Variants in PLEKHG1 observed in about 807,000 individuals in gnomAD.
PLEKHG1 encodes the protein pleckstrin homology domain-containing family G member 1.
A neutral mutation model predicts 100.8 loss-of-function variants in PLEKHG1; 44 were observed. The ratio of observed to expected loss-of-function variants is 0.44; its 90% confidence interval spans 0.34 to 0.56. The LOEUF (loss-of-function observed/expected upper bound fraction) is 0.56, where lower values mean the gene tolerates loss of function less well. Among genes scored for constraint, PLEKHG1 ranks in the 20% least tolerant of loss-of-function variants. PLEKHG1 has a pLI of 0.01. For missense variants in PLEKHG1, 1,545 were observed against 1,720.9 expected, an observed-to-expected ratio of 0.90 and a Z score of 1.81; for synonymous variants, 640 against 662.5, an observed-to-expected ratio of 0.97 and a Z score of 0.52.
At chr6:150,754,317 G>C (rs557103497) in intron 2 of PLEKHG1, among the ~76,000 whole-genome samples, 3 of 152,134 alleles carry the variant, frequency 2.0e-5, no homozygotes, top group East Asian at 1.9e-4. Context: ...AGGGAGTTGA[G>C]GGGGAGCAAG....
intron 8 of PLEKHG1, 24 bp downstream of exon 9, chr6:150,809,311 G>T: frequency 6.2e-7 from 1 of 1,611,844 alleles, no homozygotes; most frequent in Non-Finnish European, 8.5e-7. Flanking sequence ...CTGGCCATGG[G>T]CAGGGACTCA....
intron 1 of PLEKHG1, among the ~76,000 whole-genome samples, chr6:150,732,128 AT>A (rs1782296824): frequency 6.6e-6 from 1 of 151,774 alleles, no homozygotes; most frequent in Non-Finnish European, 1.5e-5. Flanking sequence ...CGCCTAGCTA[AT>A]TTTTTTGTAT....
intron 3 of PLEKHG1, among the ~76,000 whole-genome samples, chr6:150,714,328 A>G (rs1036836143): frequency 3.3e-5 from 5 of 152,266 alleles, no homozygotes; most frequent in Non-Finnish European, 7.3e-5. Context: ...AAAACCAAGT[A>G]TCCTAATCAA....
chr6:150,610,189 C>T, intron 1 of PLEKHG1, among the ~76,000 whole-genome samples: 1 of 152,194 alleles, frequency 6.6e-6, no homozygotes, highest in East Asian at 1.9e-4. Flanking sequence ...GCAACGTCTG[C>T]CTCCTGGGTT....
chr6:150,727,248 G>C (rs1380368460), intron 1 of PLEKHG1, among the ~76,000 whole-genome samples: 1 of 152,190 alleles, frequency 6.6e-6, no homozygotes, highest in African/African-American at 2.4e-5. Flanking sequence ...CCTGCTGTGA[G>C]TAGAATTTCT....
At chr6:150,792,362 A>G (rs1177996253) in intron 4 of PLEKHG1, among the ~76,000 whole-genome samples, 1 of 150,696 alleles carries the variant, frequency 6.6e-6, no homozygotes, top group Non-Finnish European at 1.5e-5. Flanking sequence ...GTCTCCAAAA[A>G]AAAAAAAAAC....
At chr6:150,664,839 T>C (rs574643871) in intron 3 of PLEKHG1, among the ~76,000 whole-genome samples, 2 of 152,294 alleles carry the variant, frequency 1.3e-5, no homozygotes, top group East Asian at 3.9e-4. Flanking sequence ...TTGGGGGAGA[T>C]GCTTCTATCT....
chr6:150,799,940 G>A (rs1786587419), intron 5 of PLEKHG1, among the ~76,000 whole-genome samples: 1 of 152,172 alleles, frequency 6.6e-6, no homozygotes, highest in South Asian at 2.1e-4. Flanking sequence ...TTTGTGATAC[G>A]AGCATTGTTT....
chr6:150,767,758 G>T (rs1462039904), intron 2 of PLEKHG1, among the ~76,000 whole-genome samples: 1 of 152,220 alleles, frequency 6.6e-6, no homozygotes, highest in Non-Finnish European at 1.5e-5. Flanking sequence ...AAATGCTGCA[G>T]ATCGCCATGT....
Position 150,671,112 on chromosome 6 carries a change from C to T in PLEKHG1, c.-99+20326C>T, listed in dbSNP as rs533965870. ...TCATATATATATATATATATATATA[C>T]ACACACACACCAGTTTATTTATCCA... On this transcript the variant is annotated intron_variant, in intron 3 of 3. Coordinates refer to the PLEKHG1 transcript ENST00000367326. Among the ~76,000 whole-genome samples the T allele has an allele frequency of 2.2e-3, 313 of 140,202 alleles. 2 individuals carry two copies. Among genetic ancestry groups the T allele is most frequent in the Non-Finnish European group, 3.5e-3 (225 of 64,494 alleles). The allele number at this position is 140,202 out of a possible 152,430, so 92.0% of individuals were successfully genotyped here.
intron 3 of PLEKHG1, among the ~76,000 whole-genome samples, chr6:150,705,457 G>A (rs959203197): frequency 1.3e-5 from 2 of 152,228 alleles, no homozygotes; most frequent in East Asian, 1.9e-4. Flanking sequence ...GGCGGGGACC[G>A]CCTGTCCCAC....
exon 2 of PLEKHG1, chr6:150,733,996 G>T: frequency 1.2e-6 from 2 of 1,614,112 alleles, no homozygotes; most frequent in Non-Finnish European, 1.7e-6. Flanking sequence ...TCGCAGACTC[G>T]GCCACGAGCC....
intron 1 of PLEKHG1, among the ~76,000 whole-genome samples, chr6:150,629,012 T>C (rs1016864962): frequency 2.6e-5 from 4 of 152,298 alleles, no homozygotes; most frequent in Middle Eastern, 6.8e-3. Context: ...CCTGGAAGAC[T>C]AGACCTCCAT....
intron 2 of PLEKHG1, among the ~76,000 whole-genome samples, chr6:150,739,148 A>G (rs746138001): frequency 6.6e-6 from 1 of 152,208 alleles, no homozygotes; most frequent in African/African-American, 2.4e-5. Flanking sequence ...AAAATAGTTC[A>G]TAATGTTAAT....
intron 1 of PLEKHG1, among the ~76,000 whole-genome samples, chr6:150,726,598 ATTT>A (rs1781975422): frequency 6.6e-6 from 1 of 152,044 alleles, no homozygotes; most frequent in South Asian, 2.1e-4. Flanking sequence ...TTTAAAACTT[ATTT>A]AACCTTGGTT....
intron 4 of PLEKHG1, among the ~76,000 whole-genome samples, chr6:150,793,120 T>C (rs1285200868): frequency 1.3e-5 from 2 of 152,196 alleles, no homozygotes; most frequent in Non-Finnish European, 2.9e-5. Flanking sequence ...AGGCAAGAAT[T>C]GGCTGGGTGT....
At chr6:150,747,341 C>T (rs1260599800) in intron 2 of PLEKHG1, among the ~76,000 whole-genome samples, 2 of 152,138 alleles carry the variant, frequency 1.3e-5, no homozygotes, top group African/African-American at 2.4e-5. Context: ...CGTGATAAGC[C>T]GAGAGTTAGT....
intron 3 of PLEKHG1, among the ~76,000 whole-genome samples, chr6:150,697,666 G>A (rs968249396): frequency 1.3e-5 from 2 of 152,204 alleles, no homozygotes; most frequent in South Asian, 4.1e-4. Context: ...CTGGAAGAGA[G>A]TTTGGCTTCT....
chr6:150,793,265 G>A (rs1196884641), intron 4 of PLEKHG1, among the ~76,000 whole-genome samples: 1 of 152,088 alleles, frequency 6.6e-6, no homozygotes, highest in East Asian at 1.9e-4. Flanking sequence ...TTAGCCAGAG[G>A]TGGTGGCACG....
Sources: gnomAD v4.1 joint callset for allele counts (sites outside exome capture counted in the v4.1 genomes callset) on GRCh38, gnomAD v4.1.1 for gene constraint, MANE v1.5 for transcripts, NCBI Gene and HGNC (gene_info 2026-07-23, HGNC 2026-07-21) for gene names.